PTDSS1: variants seen among roughly 807,000 people sequenced by gnomAD.
PTDSS1 encodes phosphatidylserine synthase 1, also known as PSS-1.
PTDSS1 carries 45 observed loss-of-function variants against 70.5 expected under a neutral mutation model. The ratio of observed to expected loss-of-function variants is 0.64; its 90% CI spans 0.50 to 0.82. The LOEUF (loss-of-function observed/expected upper bound fraction) is 0.82, where lower values mean the gene tolerates loss of function less well. Among genes scored for constraint, PTDSS1 ranks in the 40% least tolerant of loss-of-function variants. The pLI, the probability that PTDSS1 is intolerant of heterozygous loss-of-function variation, is 0.00. For missense variants in PTDSS1, 417 were observed against 586.1 expected (o/e 0.71, Z 2.98); for synonymous variants, 188 against 203.8 (o/e 0.92, Z 0.66).
rs189470134 is a variant in PTDSS1, at chr8:96,267,151, C to T, written c.179+4932C>T. ...TTATCTTGTGACATAATTCCTATTG[C>T]CCCAGATTTCTGTAGAGAAGTTACA... is the stretch of plus-strand genomic sequence containing the variant. On this transcript the variant is annotated intron_variant, in intron 1 of 12. Coordinates refer to ENST00000517309, the MANE Select transcript of PTDSS1 (RefSeq NM_014754.3). 2.2e-3 allele frequency among the ~76,000 whole-genome samples: 339 copies of T among 152,276 alleles called. 3 individuals carry two copies. In the Middle Eastern group the frequency reaches 0.027, roughly 12 times the overall value.
chr8:96,324,644 T>A (rs1174025437), intron 10 of PTDSS1, among the ~76,000 whole-genome samples: 2 of 152,126 alleles, frequency 1.3e-5, no homozygotes, highest in Non-Finnish European at 2.9e-5. Flanking sequence ...ACTCCCAAGA[T>A]AACAGCCTGA....
At chr8:96,279,063 C>T (rs1396026512) in intron 2 of PTDSS1, among the ~76,000 whole-genome samples, 2 of 151,416 alleles carry the variant, frequency 1.3e-5, no homozygotes, top group Admixed American at 6.6e-5. Context: ...CTCCACCTCC[C>T]GGGCTCAAGC....
In PTDSS1 at chr8:96,320,318, C is replaced by G. The variant is rs1811356908; in HGVS notation, c.1146C>G (p.Leu382=). 6.2e-7 allele frequency: 1 copy of G among 1,612,290 alleles called. No individual in the cohort carries two copies. The highest frequency in any genetic ancestry group is 1.3e-5 in the African/African-American group (1 of 74,864). ...GQDLFSKTQI[L]YVVLWLLCVA... is the part of the protein sequence containing the mutation. ...ATCTCTTCTCTAAGACCCAAATACT[C>G]TATGTTGTGCTTTGGCTTCTTTGCG... Residue 382 remains leucine (L), a synonymous_variant, in exon 10 of 13, where the codon CTC becomes CTG. Coordinates refer to ENST00000517309, the MANE Select transcript of PTDSS1 (RefSeq NM_014754.3).
chr8:96,293,811 A>G (rs988515178), intron 4 of PTDSS1, among the ~76,000 whole-genome samples: 2 of 152,222 alleles, frequency 1.3e-5, no homozygotes, highest in African/African-American at 4.8e-5. Context: ...TACACAGTGT[A>G]TTCCAGAGTA....
At chr8:96,277,645 T>A (rs920566181) in intron 2 of PTDSS1, among the ~76,000 whole-genome samples, 1 of 152,224 alleles carries the variant, frequency 6.6e-6, no homozygotes, top group Non-Finnish European at 1.5e-5. Flanking sequence ...TGAAATGCAT[T>A]TATCCTTGAC....
At chr8:96,285,979 G>C (rs1024178759) in intron 3 of PTDSS1, among the ~76,000 whole-genome samples, 3 of 152,092 alleles carry the variant, frequency 2.0e-5, no homozygotes, top group Non-Finnish European at 4.4e-5. Flanking sequence ...TGGGCCCTAG[G>C]ATGCACAATT....
chr8:96,298,399 T>C (rs1317518154), intron 5 of PTDSS1, among the ~76,000 whole-genome samples: 2 of 152,204 alleles, frequency 1.3e-5, no homozygotes, highest in South Asian at 2.1e-4. Flanking sequence ...TCCCAGGCAT[T>C]GTCTTAGTAA....
At chr8:96,295,361 C>T (rs1810961011) in intron 5 of PTDSS1, 105 bp downstream of exon 5, 4 of 1,260,980 alleles carry the variant, frequency 3.2e-6, no homozygotes, top group Non-Finnish European at 4.2e-6. Flanking sequence ...TCTCCAGCCC[C>T]TGTGGTACAA....
At chr8:96,325,991 G>T (rs938138405) in intron 10 of PTDSS1, among the ~76,000 whole-genome samples, 6 of 152,086 alleles carry the variant, frequency 3.9e-5, no homozygotes, top group African/African-American at 1.4e-4. Flanking sequence ...CTTCAAGAAG[G>T]AAGAAGGCTC....
intron 9 of PTDSS1, among the ~76,000 whole-genome samples, chr8:96,310,924 C>T (rs867369864): frequency 1.3e-5 from 2 of 152,088 alleles, no homozygotes; most frequent in East Asian, 1.9e-4. Flanking sequence ...TGCCACCACA[C>T]CCAGCTAATT....
intron 12 of PTDSS1, among the ~76,000 whole-genome samples, chr8:96,332,874 G>A (rs1371748136): frequency 1.3e-5 from 2 of 152,212 alleles, no homozygotes; most frequent in Non-Finnish European, 2.9e-5. Context: ...TGGCCGCTAG[G>A]CCAGGCAGGG....
chr8:96,277,011 CA>C (rs1358764380), intron 2 of PTDSS1, among the ~76,000 whole-genome samples: 13 of 152,016 alleles, frequency 8.6e-5, no homozygotes, highest in East Asian at 1.9e-4. Context: ...CACACACACA[CA>C]CCACCATTCA....
chr8:96,305,882 T>C (rs182276871), intron 7 of PTDSS1, among the ~76,000 whole-genome samples: 1 of 152,278 alleles, frequency 6.6e-6, no homozygotes, highest in East Asian at 1.9e-4. Flanking sequence ...GATTTCACCA[T>C]GTTGGCCAGG....
chr8:96,312,912 G>C (rs1353278066), intron 9 of PTDSS1, among the ~76,000 whole-genome samples: 1 of 152,172 alleles, frequency 6.6e-6, no homozygotes, highest in African/African-American at 2.4e-5. Flanking sequence ...AGAAAACACT[G>C]AAGTGTGTGG....
intron 12 of PTDSS1, 142 bp downstream of exon 12, chr8:96,331,237 A>ACATGCAATGGCC (rs1365979387): frequency 3.8e-6 from 3 of 788,290 alleles, no homozygotes; most frequent in Non-Finnish European, 6.1e-6. Context: ...TTATTAAGAA[A>ACATGCAATGGCC]CATGCAATGG....
chr8:96,282,421 C>A (rs928067264), intron 2 of PTDSS1, among the ~76,000 whole-genome samples: 2 of 152,200 alleles, frequency 1.3e-5, no homozygotes. Flanking sequence ...AGGTAGTCCT[C>A]ACTGTCTGAG....
At position 96,304,286 on chromosome 8, in the gene PTDSS1, A is replaced by G. The variant is rs187411631; in HGVS notation, c.894+105A>G. ...AGTTTACATTGCTTTTCAGCTCCAT[A>G]CTTTACAAGATATAATATTCTGCAG... On this transcript the variant is annotated intron_variant, in intron 7 of 12. Coordinates refer to ENST00000517309, the MANE Select transcript of PTDSS1 (RefSeq NM_014754.3). The G allele has an allele frequency of 8.3e-4, 1,074 of 1,299,658 alleles. 1 individual carries two copies. The highest frequency in any genetic ancestry group is 4.1e-3 in the Middle Eastern group (15 of 3,662). 80.5% of individuals were successfully genotyped at this position (1,299,658 alleles called of 1,614,324 possible).
In PTDSS1 at chr8:96,278,972, CT is replaced by C. The variant is rs36085094; in HGVS notation, c.272-5118del. Among the ~76,000 whole-genome samples the C allele has an allele frequency of 6.7e-3, 816 of 122,606 alleles. 2 individuals carry two copies. The highest frequency in any genetic ancestry group is 0.01 in the African/African-American group (314 of 30,906). The allele number at this position is 122,606 out of a possible 152,430, so 80.4% of individuals were successfully genotyped here. A position where few individuals can be genotyped will look rare whatever the true frequency, so the allele number is the denominator to read the frequency against. ...GCAAGAGAAACACCATTCAGCCCCCCTTTTTTTTTTTTTTTTTTTGAGACAG... is the reference window on the plus strand; with the variant it reads ...GCAAGAGAAACACCATTCAGCCCCCCTTTTTTTTTTTTTTTTTTGAGACAG... On this transcript the variant is annotated intron_variant, in intron 2 of 12. Transcript: ENST00000517309.
chr8:96,330,911 C>T, intron 11 of PTDSS1, 115 bp from the exon 12 acceptor site: 1 of 818,062 alleles, frequency 1.2e-6, no homozygotes, highest in Non-Finnish European at 2.0e-6. Context: ...CTGTCACTTG[C>T]CAGTGATGAT....
Sources: gnomAD v4.1 joint callset for allele counts (sites outside exome capture counted in the v4.1 genomes callset) on GRCh38, gnomAD v4.1.1 for gene constraint, MANE v1.5 for transcripts, NCBI Gene and HGNC (gene_info 2026-07-23, HGNC 2026-07-21) for gene names.